Variants in MGRN1 observed in about 807,000 individuals in gnomAD.
The protein encoded by MGRN1 is E3 ubiquitin-protein ligase MGRN1.
In MGRN1, 29 loss-of-function variants were observed where a neutral mutation model predicts 69.2. The observed-to-expected ratio is 0.42, with a 90% CI of 0.31 to 0.57. The LOEUF (loss-of-function observed/expected upper bound fraction) is 0.57. MGRN1 is among the 20% of genes least tolerant of loss of function. The probability of loss-of-function intolerance (pLI) is 0.15; values close to 1 mark genes in which losing one functional copy is unlikely to be tolerated. For missense variants in MGRN1, 998 were observed against 796.2 expected, an observed-to-expected ratio of 1.25 and a Z score of -3.05; for synonymous variants, 470 against 344.2, an observed-to-expected ratio of 1.37 and a Z score of -4.04.
chr16:4,668,731 GAC>G (rs1567217063), intron 8 of MGRN1, among the ~76,000 whole-genome samples: 2 of 149,726 alleles, frequency 1.3e-5, no homozygotes, highest in Non-Finnish European at 3.0e-5. Context: ...CATATACATA[GAC>G]ACATACTGAT....
chr16:4,687,330 C>T lies in MGRN1; in HGVS notation c.1619-1466C>T, dbSNP rs1361859024. On this transcript the variant is annotated intron_variant, in intron 16 of 16. Coordinates refer to ENST00000262370, the MANE Select transcript of MGRN1 (RefSeq NM_015246.4). ...TTTGGGAGACCGAGGGGATAGATCACTTGAGCCCAGGAATTCAAGATCAGT... is the reference window on the plus strand; with the variant it reads ...TTTGGGAGACCGAGGGGATAGATCATTTGAGCCCAGGAATTCAAGATCAGT... 4.1e-6 allele frequency: 4 copies of T among 971,914 alleles called. No individual in the cohort carries two copies. In the African/African-American group the frequency reaches 7.0e-5, roughly 17 times the overall value. The allele number at this position is 971,914 out of a possible 1,614,324, so 60.2% of individuals were successfully genotyped here. A position where few individuals can be genotyped will look rare whatever the true frequency, so the allele number is the denominator to read the frequency against.
chr16:4,662,904 G>A (rs192872734), intron 5 of MGRN1, among the ~76,000 whole-genome samples: 3 of 152,322 alleles, frequency 2.0e-5, no homozygotes, highest in East Asian at 1.9e-4. Flanking sequence ...GGACATCCGT[G>A]GGGGTGGTTG....
intron 5 of MGRN1, among the ~76,000 whole-genome samples, chr16:4,661,014 C>G (rs962456468): frequency 3.3e-5 from 5 of 152,226 alleles, no homozygotes; most frequent in African/African-American, 9.6e-5. Flanking sequence ...CAGGGGCTCA[C>G]TCTGTCTCCC....
chr16:4,648,374 C>A (rs1391235995), intron 1 of MGRN1, among the ~76,000 whole-genome samples: 1 of 135,180 alleles, frequency 7.4e-6, no homozygotes, highest in Non-Finnish European at 1.6e-5. Context: ...GGCTCCTCCT[C>A]CCGGGGACTC....
At chr16:4,650,546 C>A in intron 2 of MGRN1, 63 bp downstream of exon 2, 5 of 1,314,846 alleles carry the variant, frequency 3.8e-6, no homozygotes, top group Non-Finnish European at 5.3e-6. Flanking sequence ...CCCCAGCAGT[C>A]CGCATCCCAG....
intron 16 of MGRN1, chr16:4,688,490 G>C (rs1306408700): frequency 6.0e-6 from 7 of 1,164,802 alleles, no homozygotes; most frequent in Non-Finnish European, 7.4e-6. Context: ...CCAGGGCAAG[G>C]GCAGGAGGCC....
intron 1 of MGRN1, among the ~76,000 whole-genome samples, chr16:4,643,716 C>T (rs187719945): frequency 2.6e-5 from 4 of 152,204 alleles, no homozygotes; most frequent in South Asian, 4.1e-4. Context: ...CCAAAATATG[C>T]GCACCAATTG....
At chr16:4,652,573 T>G (rs1350675731) in intron 3 of MGRN1, 105 bp from the exon 4 acceptor site, 1 of 1,404,904 alleles carries the variant, frequency 7.1e-7, no homozygotes, top group Non-Finnish European at 9.5e-7. Context: ...AAGCGGGCTG[T>G]GTCCACATAG....
chr16:4,652,484 G>C (rs1457945919), intron 3 of MGRN1, among the ~76,000 whole-genome samples, 194 bp from the exon 4 acceptor site: 1 of 152,168 alleles, frequency 6.6e-6, no homozygotes, highest in African/African-American at 2.4e-5. Flanking sequence ...GTCTTCTGTG[G>C]GCAGGAAGAA....
chr16:4,648,437 GCTCCTCCTCTC>G (rs2078323696), intron 1 of MGRN1, among the ~76,000 whole-genome samples: 2 of 119,864 alleles, frequency 1.7e-5, no homozygotes, highest in Admixed American at 7.7e-5. Context: ...TGGTCACCCG[GCTCCTCCTCTC>G]GGGGACTCTT....
chr16:4,659,842 G>T (rs1293726148), intron 5 of MGRN1, among the ~76,000 whole-genome samples: 1 of 152,220 alleles, frequency 6.6e-6, no homozygotes, highest in African/African-American at 2.4e-5. Context: ...TTCTTCCAGG[G>T]CCTGTGTCAT....
intron 16 of MGRN1, chr16:4,686,520 C>A: frequency 7.3e-7 from 1 of 1,374,694 alleles, no homozygotes; most frequent in Non-Finnish European, 9.4e-7. Flanking sequence ...CTTTCGGGGC[C>A]AGAGGTCTCT....
At chr16:4,673,047 C>G (rs2078974428) in intron 9 of MGRN1, among the ~76,000 whole-genome samples, 1 of 152,126 alleles carries the variant, frequency 6.6e-6, no homozygotes, top group Admixed American at 6.5e-5. Flanking sequence ...ACTATGTTAG[C>G]CAGGATGGTC....
chr16:4,666,339 C>T (rs1195228754), intron 7 of MGRN1, among the ~76,000 whole-genome samples: 1 of 152,116 alleles, frequency 6.6e-6, no homozygotes, highest in Non-Finnish European at 1.5e-5. Context: ...GCTATGTTGC[C>T]CAGGCTGGTC....
rs183920917 is a variant in MGRN1 at position 4,672,402 on chromosome 16, C to G, written c.795+943C>G. The G allele has an allele frequency of 4.2e-4, 190 of 456,734 alleles. 1 individual carries two copies. Among genetic ancestry groups the G allele is most frequent in the African/African-American group, 3.2e-3 (162 of 50,194 alleles). The allele number at this position is 456,734 out of a possible 1,614,324, so 28.3% of individuals were successfully genotyped here. On this transcript the variant is annotated intron_variant, in intron 9 of 16. Transcript: ENST00000262370. ...GAGTGAAACTCCTGCCTCTTAAGATCTCTTGGAAAGTCTCACAGGCCCGCT... is the reference window on the plus strand; with the variant it reads ...GAGTGAAACTCCTGCCTCTTAAGATGTCTTGGAAAGTCTCACAGGCCCGCT...
Position 4,673,582 on chromosome 16 carries a change from C to T in MGRN1, c.880C>T (p.Arg294Cys), listed in dbSNP as rs369556749. The T allele has an allele frequency of 1.9e-5, 31 of 1,613,722 alleles. No individual in the cohort carries two copies. The highest frequency in any genetic ancestry group is 3.3e-5 in the South Asian group (3 of 91,080). ...DLRDTLILPC[R>C]HLCLCTSCAD... Reference sequence around the variant, plus strand: ...GCGGGACACGCTGATCCTGCCCTGCCGCCACCTGTGCCTCTGTACCTCCTG... The same window carrying T: ...GCGGGACACGCTGATCCTGCCCTGCTGCCACCTGTGCCTCTGTACCTCCTG... Residue 294 changes from arginine to cysteine, a missense_variant, in exon 10 of 17, where the codon CGC (arginine) becomes TGC (cysteine). Coordinates refer to ENST00000262370, the MANE Select transcript of MGRN1 (RefSeq NM_015246.4).
chr16:4,656,573 C>T (rs1203807470), intron 4 of MGRN1, among the ~76,000 whole-genome samples: 1 of 152,156 alleles, frequency 6.6e-6, no homozygotes, highest in Non-Finnish European at 1.5e-5. Flanking sequence ...TACTTAAGTA[C>T]TGTGTTCATT....
intron 4 of MGRN1, among the ~76,000 whole-genome samples, chr16:4,655,089 G>T (rs2141891587): frequency 6.6e-6 from 1 of 152,342 alleles, no homozygotes; most frequent in East Asian, 1.9e-4. Flanking sequence ...ACTGCTTGGG[G>T]TTGAGTGTTT....
chr16:4,674,626 C>CTTTTTTTTTTTTTTTT lies in MGRN1; in HGVS notation c.955+979_955+994dup, dbSNP rs71139654. 2.3e-3 allele frequency among the ~76,000 whole-genome samples: 111 copies of CTTTTTTTTTTTTTTTT among 47,266 alleles called. 2 individuals are homozygous for CTTTTTTTTTTTTTTTT. Among genetic ancestry groups the CTTTTTTTTTTTTTTTT allele is most frequent in the East Asian group, 4.1e-3 (5 of 1,208 alleles). The allele number at this position is 47,266 out of a possible 152,430, so 31.0% of individuals were successfully genotyped here. On this transcript the variant is annotated intron_variant, in intron 10 of 16. Transcript: ENST00000262370. ...CTTTTTTTTTCTTTTCTTTTCTTTT[C>CTTTTTTTTTTTTTTTT]TTTTTTTTTTTTTTTTTTTTTTTTT... is the stretch of plus-strand genomic sequence containing the variant.
Sources: gnomAD v4.1 joint callset for allele counts (sites outside exome capture counted in the v4.1 genomes callset) on GRCh38, gnomAD v4.1.1 for gene constraint, MANE v1.5 for transcripts, NCBI Gene and HGNC (gene_info 2026-07-23, HGNC 2026-07-21) for gene names.